LGMN: variants seen among roughly 807,000 people sequenced by gnomAD.
The protein encoded by LGMN is asparaginyl endopeptidase.
Under a neutral mutation model 56.8 loss-of-function variants are expected in LGMN, and 36 were observed. The ratio of observed to expected loss-of-function variants is 0.63; its 90% CI spans 0.49 to 0.84. The LOEUF is 0.84. Ranked by LOEUF, LGMN falls within the 40% of genes least tolerant of loss-of-function variation. The probability of loss-of-function intolerance (pLI) is 0.00; values close to 1 mark genes in which losing one functional copy is unlikely to be tolerated. For synonymous variants in LGMN, 199 were observed against 210.1 expected (o/e 0.95, Z 0.46); for missense variants, 446 against 556.1 (o/e 0.80, Z 1.99).
intron 1 of LGMN, among the ~76,000 whole-genome samples, chr14:92,735,409 G>C (rs1229934797): frequency 6.6e-6 from 1 of 152,156 alleles, no homozygotes; most frequent in Non-Finnish European, 1.5e-5. Context: ...GTTTCGCCAT[G>C]TTGCCCAGGC....
intron 3 of LGMN, 74 bp from the exon 4 acceptor site, chr14:92,717,535 T>C: frequency 8.9e-7 from 1 of 1,121,646 alleles, no homozygotes; most frequent in South Asian, 1.3e-5. Flanking sequence ...CACATGTATG[T>C]TATGCGAAAA....
intron 3 of LGMN, 73 bp from the exon 4 acceptor site, chr14:92,717,534 G>A: frequency 8.9e-7 from 1 of 1,122,124 alleles, no homozygotes. Context: ...ACACATGTAT[G>A]TTATGCGAAA....
chr14:92,706,726 A>G, intron 11 of LGMN, 73 bp from the exon 12 acceptor site: 1 of 1,368,306 alleles, frequency 7.3e-7, no homozygotes, highest in East Asian at 2.5e-5. Flanking sequence ...TGCGGTGAGA[A>G]GTGCATTCAA....
At chr14:92,715,372 C>T (rs189444530) in intron 5 of LGMN, among the ~76,000 whole-genome samples, 52 of 152,272 alleles carry the variant, frequency 3.4e-4, no homozygotes, top group African/African-American at 1.0e-3. Flanking sequence ...CATGCCACCA[C>T]GCCTGGCTAA....
chr14:92,706,291 G>A, intron 12 of LGMN, 192 bp downstream of exon 12: 1 of 445,350 alleles, frequency 2.2e-6, no homozygotes. Context: ...TACCCACTGG[G>A]ACAAGAAGAG....
chr14:92,719,252 C>A (rs1411477529), intron 2 of LGMN, among the ~76,000 whole-genome samples: 46 of 19,096 alleles, frequency 2.4e-3, no homozygotes, highest in African/African-American at 5.6e-3. Context: ...ACCGCCACCA[C>A]CACCACCGCC....
At chr14:92,719,296 GCCGCCA>G (rs1566924522) in intron 2 of LGMN, among the ~76,000 whole-genome samples, 18 of 25,676 alleles carry the variant, frequency 7.0e-4, no homozygotes, top group South Asian at 1.4e-3. Flanking sequence ...CGCCGCCGCC[GCCGCCA>G]CCGCCGCCAC....
At chr14:92,706,729 G>A (rs1372659424) in intron 11 of LGMN, 76 bp from the exon 12 acceptor site, 8 of 1,318,010 alleles carry the variant, frequency 6.1e-6, no homozygotes, top group Non-Finnish European at 4.0e-6. Flanking sequence ...GGTGAGAAGT[G>A]CATTCAAAGG....
intron 7 of LGMN, among the ~76,000 whole-genome samples, chr14:92,713,506 AGT>A (rs2140217823): frequency 6.6e-6 from 1 of 152,298 alleles, no homozygotes; most frequent in Admixed American, 6.5e-5. Context: ...TAGGAATAGG[AGT>A]CTGCAAAGTG....
rs1890200752 is a variant in LGMN, at chr14:92,718,787, T to C, written c.196A>G (p.Ile66Val). 4 of 1,613,238 alleles carry C rather than the reference T, an allele frequency of 2.5e-6. No homozygotes were observed. Among genetic ancestry groups the C allele is most frequent in the Admixed American group, 1.7e-5 (1 of 59,982 alleles). ...ATGTCATCGTACATCATCACAACGA[T>C]CTGTTCGTCAGGAATCCCATTGCGG... ...IHRNGIPDEQ[I>V]VVMMYDDIAY... The change falls in exon 3 of 14, where the codon ATC becomes GTC. Residue 66 changes from isoleucine to valine, a missense_variant. Coordinates refer to ENST00000334869, the MANE Select transcript of LGMN (RefSeq NM_005606.7).
intron 2 of LGMN, among the ~76,000 whole-genome samples, chr14:92,730,933 CAAAAAAA>C (rs111868362): frequency 0.2 from 23,158 of 114,786 alleles, 1,890 homozygotes; most frequent in East Asian, 0.34. Context: ...CTGTCTCAAC[CAAAAAAA>C]AAAAAAAAAG....
intron 12 of LGMN, 72 bp downstream of exon 12, chr14:92,706,411 C>A: frequency 7.7e-7 from 1 of 1,298,208 alleles, no homozygotes. Flanking sequence ...GTCGTACAAC[C>A]AATGTGACTG....
chr14:92,741,617 G>A (rs954731680), intron 1 of LGMN: 8 of 152,174 alleles, frequency 5.3e-5, no homozygotes, highest in Non-Finnish European at 1.0e-4. Flanking sequence ...TCAGGAGGCC[G>A]AGGCGGGCAG....
intron 13 of LGMN, 44 bp downstream of exon 13, chr14:92,704,596 C>T: frequency 6.6e-7 from 1 of 1,520,910 alleles, no homozygotes; most frequent in Non-Finnish European, 9.1e-7. Context: ...CTTCTGCTTT[C>T]AGAATGACAT....
chr14:92,734,752 G>C (rs1188426106), intron 1 of LGMN, among the ~76,000 whole-genome samples: 2 of 152,174 alleles, frequency 1.3e-5, no homozygotes, highest in East Asian at 3.9e-4. Flanking sequence ...ACAGCACCAA[G>C]CCTGTGCCTC....
Position 92,732,696 on chromosome 14 carries a change from C to T in LGMN, c.91G>A (p.Val31Met). 1 of 1,614,200 alleles carries T rather than the reference C, an allele frequency of 6.2e-7. No homozygotes were observed. The stretch of plus-strand genomic sequence containing the variant: ...CCATTTGAACCTGCCACGATCACCA[C>T]CCAGTGCTTGCCTCCATCTTCAGGA... Reference protein sequence around the residue: ...DDPEDGGKHWVVIVAGSNGWY... With the variant: ...DDPEDGGKHWMVIVAGSNGWY... The change falls in exon 2 of 14, where the codon GTG becomes ATG. Residue 31 changes from valine to methionine, a missense_variant. Val to Met is a conservative substitution (Grantham distance 21). Coordinates refer to ENST00000334869, the MANE Select transcript of LGMN (RefSeq NM_005606.7).
At position 92,719,281 on chromosome 14, in the gene LGMN, G is replaced by A. The variant is rs1327085751; in HGVS notation, c.139-437C>T. On this transcript the variant is annotated intron_variant, in intron 2 of 13. Coordinates refer to ENST00000334869, the MANE Select transcript of LGMN (RefSeq NM_005606.7). ...CACCGCCACCGCCGCCGCCGCCACC[G>A]CCGCCGCCGCCGCCGCCGCCACCGC... 5.7e-3 allele frequency among the ~76,000 whole-genome samples: 102 copies of A among 18,026 alleles called. 1 individual carries two copies. The highest frequency in any genetic ancestry group is 0.013 in the South Asian group (6 of 454). 11.8% of individuals were successfully genotyped at this position (18,026 alleles called of 152,430 possible). A position where few individuals can be genotyped will look rare whatever the true frequency, so the allele number is the denominator to read the frequency against.
intron 1 of LGMN, among the ~76,000 whole-genome samples, chr14:92,738,527 C>A (rs1277888367): frequency 3.3e-5 from 5 of 151,648 alleles, no homozygotes; most frequent in African/African-American, 1.2e-4. Context: ...ATCTGCCTGT[C>A]TCAGCCTCCC....
intron 2 of LGMN, among the ~76,000 whole-genome samples, chr14:92,723,270 C>T (rs1038712781): frequency 6.6e-6 from 1 of 152,094 alleles, no homozygotes. Flanking sequence ...TGGTCTCAAA[C>T]TCCTGACCTC....
Sources: gnomAD v4.1 joint callset for allele counts (sites outside exome capture counted in the v4.1 genomes callset) on GRCh38, gnomAD v4.1.1 for gene constraint, MANE v1.5 for transcripts, NCBI Gene and HGNC (gene_info 2026-07-23, HGNC 2026-07-21) for gene names.